ERCC2: variants seen among roughly 807,000 people sequenced by gnomAD.
ERCC2 encodes general transcription and DNA repair factor IIH helicase subunit XPD.
Under a neutral mutation model 99.4 loss-of-function variants are expected in ERCC2, and 90 were observed. The ratio of observed to expected loss-of-function variants is 0.91; its 90% CI spans 0.76 to 1.08. The LOEUF (loss-of-function observed/expected upper bound fraction) is 1.08, where lower values mean the gene tolerates loss of function less well. Ranked by LOEUF, ERCC2 falls within the 50% of genes least tolerant of loss-of-function variation. The pLI, the probability that ERCC2 is intolerant of heterozygous loss-of-function variation, is 0.00. For synonymous variants in ERCC2, 497 were observed against 432.4 expected (o/e 1.15, Z -1.85); for missense variants, 993 against 1,038.1 (o/e 0.96, Z 0.60).
Position 45,351,715 on chromosome 19 carries a change from G to C in ERCC2, c.2197C>G (p.Gln733Glu), listed in dbSNP as rs964383360. Reference sequence around the variant, plus strand: ...AGGCTGAGCAGGGACAGGCCCAGCTGATCCTCCTGCAGAGAACAGAGGAAA... The same window carrying C: ...AGGCTGAGCAGGGACAGGCCCAGCTCATCCTCCTGCAGAGAACAGAGGAAA... Reference protein sequence around the residue: ...QMAQPFHREDQLGLSLLSLEQ... With the variant: ...QMAQPFHREDELGLSLLSLEQ... The change falls in exon 23 of 23, where the codon CAG becomes GAG. Residue 733 changes from glutamine (Q) to glutamate (E), a missense_variant. Transcript: ENST00000391945. The C allele has an allele frequency of 9.3e-6, 15 of 1,613,718 alleles. No individual in the cohort carries two copies. The highest frequency in any genetic ancestry group is 1.2e-5 in the Non-Finnish European group (14 of 1,179,930).
In ERCC2 at chr19:45,350,802, A is replaced by G; in HGVS notation, c.*827T>C. The G allele has an allele frequency of 2.4e-6, 2 of 821,430 alleles. No individual in the cohort carries two copies. Among genetic ancestry groups the G allele is most frequent in the Non-Finnish European group, 3.7e-6 (2 of 546,218 alleles). The allele number at this position is 821,430 out of a possible 1,614,324, so 50.9% of individuals were successfully genotyped here. On this transcript the variant is annotated 3_prime_UTR_variant, in exon 23 of 23. Coordinates refer to ENST00000391945, the MANE Select transcript of ERCC2 (RefSeq NM_000400.4). ...CTGACATCAGCAGAATCCACAGCCC[A>G]CCCCACCCCCACCCCCATCTTGCTC...
intron 16 of ERCC2, among the ~76,000 whole-genome samples, 192 bp from the exon 17 acceptor site, chr19:45,355,043 T>C (rs991892556): frequency 5.9e-5 from 9 of 152,172 alleles, no homozygotes; most frequent in Non-Finnish European, 4.4e-5. Flanking sequence ...GGCTATGTGA[T>C]TTGCCATGGC....
chr19:45,353,106 T>A lies in ERCC2; in HGVS notation c.1808A>T (p.Lys603Ile). The A allele has an allele frequency of 6.2e-7, 1 of 1,613,322 alleles. No individual in the cohort carries two copies. Among genetic ancestry groups the A allele is most frequent in the Middle Eastern group, 1.7e-4 (1 of 5,900 alleles). ...ACCAAAGTCGATTCCCTCGGACACT[T>A]TGCCCCGGGCCACTGACAGCAGGAT... ...GAILLSVARG[K>I]VSEGIDFVHH... The change falls in exon 19 of 23, where the codon AAA (lysine) becomes ATA (isoleucine). Residue 603 changes from lysine to isoleucine, a missense_variant. This residue lies in a region of ERCC2 where 909 missense variants were observed against 930.8 expected (regional missense o/e 0.98). Coordinates refer to ENST00000391945, the MANE Select transcript of ERCC2 (RefSeq NM_000400.4).
intron 17 of ERCC2, 36 bp downstream of exon 17, chr19:45,354,694 G>A (rs747409158): frequency 6.2e-7 from 1 of 1,612,410 alleles, no homozygotes. Context: ...CAGGGACTGA[G>A]GAGAGCAGGT....
chr19:45,355,083 G>A (rs562331841), intron 16 of ERCC2, among the ~76,000 whole-genome samples: 316 of 152,356 alleles, frequency 2.1e-3, no homozygotes, highest in Non-Finnish European at 3.7e-3. Context: ...GGGGCCGGGC[G>A]CTGTGGCTCA....
chr19:45,370,253 G>C (rs1333336511), intron 1 of ERCC2, 21 bp from the exon 2 acceptor site: 1 of 1,611,958 alleles, frequency 6.2e-7, no homozygotes, highest in Non-Finnish European at 8.5e-7. Flanking sequence ...GGGCTGCTGG[G>C]TCAGTTCCCG....
At chr19:45,358,570 G>T in intron 12 of ERCC2, 1 of 449,044 alleles carries the variant, frequency 2.2e-6, no homozygotes. Flanking sequence ...CCAGTGGCCT[G>T]GTGCCTGACC....
In ERCC2 at chr19:45,350,875, A is replaced by C. The variant is rs2123209349; in HGVS notation, c.*754T>G. ...CTCCCCTGTGATACACACAGATCAA[A>C]CCCTGTGCTGGAAAGGTCCCTCGTG... On this transcript the variant is annotated 3_prime_UTR_variant, in exon 23 of 23. Coordinates refer to ENST00000391945, the MANE Select transcript of ERCC2 (RefSeq NM_000400.4). 6.5e-7 allele frequency: 1 copy of C among 1,527,364 alleles called. No homozygotes were observed. The highest frequency in any genetic ancestry group is 9.1e-7 in the Non-Finnish European group (1 of 1,103,972). The allele number at this position is 1,527,364 out of a possible 1,614,324, so 94.6% of individuals were successfully genotyped here. A position where few individuals can be genotyped will look rare whatever the true frequency, so the allele number is the denominator to read the frequency against.
intron 12 of ERCC2, among the ~76,000 whole-genome samples, chr19:45,360,379 GC>G (rs952454604): frequency 3.0e-5 from 3 of 99,786 alleles, no homozygotes; most frequent in African/African-American, 1.7e-4. Flanking sequence ...ACCACGCCCG[GC>G]CTTTTTTTTT....
chr19:45,358,198 C>G (rs1000211330), intron 12 of ERCC2: 4 of 222,098 alleles, frequency 1.8e-5, no homozygotes, highest in South Asian at 6.9e-5. Context: ...TATAGGGACA[C>G]CCCCCTACAA....
At chr19:45,357,827 C>G in intron 12 of ERCC2, 128 bp from the exon 13 acceptor site, 1 of 844,060 alleles carries the variant, frequency 1.2e-6, no homozygotes, top group East Asian at 2.7e-5. Context: ...GGAGTAAATG[C>G]GACCAAACAT....
At chr19:45,352,159 G>C (rs1471889717) in intron 22 of ERCC2, 50 bp downstream of exon 22, 3 of 1,602,454 alleles carry the variant, frequency 1.9e-6, no homozygotes, top group Non-Finnish European at 2.6e-6. Flanking sequence ...GGACTTTCTG[G>C]AGGAGAAGCT....
At chr19:45,358,247 G>A in intron 12 of ERCC2, 1 of 190,704 alleles carries the variant, frequency 5.2e-6, no homozygotes, top group South Asian at 1.0e-4. Flanking sequence ...TAGAGATGGG[G>A]GACCTGCAGT....
At chr19:45,354,308 G>A (rs1018088014) in intron 17 of ERCC2, among the ~76,000 whole-genome samples, 13 of 152,192 alleles carry the variant, frequency 8.5e-5, no homozygotes, top group African/African-American at 2.9e-4. Flanking sequence ...GCAGACCCTT[G>A]AGAGGCTCGC....
chr19:45,364,037 C>A lies in ERCC2; in HGVS notation c.898G>T (p.Glu300Ter), dbSNP rs774977350. The change falls in exon 10 of 23, where the codon GAG (glutamate) becomes TAG (stop). Residue 300 changes from glutamate (E) to a stop codon, truncating the protein, a stop_gained. Coordinates refer to ENST00000391945, the MANE Select transcript of ERCC2 (RefSeq NM_000400.4). LOFTEE classifies it high-confidence loss of function. ...EGLREASAARETDAHLANPVL... is the reference protein window; with the variant it reads ...EGLREASAAR ...GGGTTGGCCAGGTGGGCGTCCGTCT[C>A]CCGGGCGGCGCTGGCCTCCCGCAGC... The A allele has an allele frequency of 2.6e-6, 4 of 1,561,112 alleles. No individual in the cohort carries two copies. The African/African-American group carries it at 5.4e-5, about 21-fold the overall frequency.
Position 45,351,321 on chromosome 19 carries a change from C to T in ERCC2, c.*308G>A, listed in dbSNP as rs776113824. On this transcript the variant is annotated 3_prime_UTR_variant, in exon 23 of 23. Coordinates refer to ENST00000391945, the MANE Select transcript of ERCC2 (RefSeq NM_000400.4). Reference sequence around the variant, plus strand: ...GGCACCTGGACAAGGCCCCTCGGACCCTCAGCGCCAGCACCCAGGACCTGA... The same window carrying T: ...GGCACCTGGACAAGGCCCCTCGGACTCTCAGCGCCAGCACCCAGGACCTGA... 5 of 1,612,188 alleles carry T rather than the reference C, an allele frequency of 3.1e-6. No homozygotes were observed. The highest frequency in any genetic ancestry group is 1.7e-5 in the Admixed American group (1 of 60,014).
chr19:45,363,555 G>A (rs1418497286), intron 11 of ERCC2, among the ~76,000 whole-genome samples, 188 bp downstream of exon 11: 1 of 152,192 alleles, frequency 6.6e-6, no homozygotes, highest in Non-Finnish European at 1.5e-5. Context: ...CCGACGCACG[G>A]ACCCAGGATC....
rs1204111578 is a variant in ERCC2, at chr19:45,364,550, G to A, written c.595-3C>T. On this transcript the variant is annotated splice_polypyrimidine_tract_variant and splice_region_variant and intron_variant, in intron 7 of 22. Transcript: ENST00000391945. Reference sequence around the variant, plus strand: ...ACCACCACATTGGCATGCAGGATCTGGGGGGCCGGGGAGCAGGGTTACCAG... The same window carrying A: ...ACCACCACATTGGCATGCAGGATCTAGGGGGCCGGGGAGCAGGGTTACCAG... The A allele has an allele frequency of 1.9e-6, 3 of 1,612,538 alleles. No homozygotes were observed. Among genetic ancestry groups the A allele is most frequent in the South Asian group, 1.1e-5 (1 of 91,042 alleles).
At chr19:45,361,749 G>T in intron 11 of ERCC2, 107 bp from the exon 12 acceptor site, 1 of 829,300 alleles carries the variant, frequency 1.2e-6, no homozygotes, top group Non-Finnish European at 2.1e-6. Context: ...CCCAGCCAAT[G>T]AGCACTCAGT....
Sources: gnomAD v4.1 joint callset for allele counts (sites outside exome capture counted in the v4.1 genomes callset) on GRCh38, gnomAD v4.1.1 for gene constraint, gnomAD v4.1.1 regional missense constraint, MANE v1.5 for transcripts, NCBI Gene and HGNC (gene_info 2026-07-23, HGNC 2026-07-21) for gene names.